GABRB1: variants seen among roughly 807,000 people sequenced by gnomAD.
The protein encoded by GABRB1 is gamma-aminobutyric acid type A receptor subunit beta1.
In GABRB1, 17 loss-of-function variants were observed where a neutral mutation model predicts 51.6. The observed-to-expected ratio is 0.33, with a 90% CI of 0.23 to 0.49. The LOEUF (loss-of-function observed/expected upper bound fraction) is 0.49, where lower values mean the gene tolerates loss of function less well. Among genes scored for constraint, GABRB1 ranks in the 20% least tolerant of loss-of-function variants. The pLI, the probability that GABRB1 is intolerant of heterozygous loss-of-function variation, is 0.99. For missense variants in GABRB1, 410 were observed against 600.6 expected, an observed-to-expected ratio of 0.68 and a Z score of 3.32; for synonymous variants, 247 against 218.9, an observed-to-expected ratio of 1.13 and a Z score of -1.14.
At chr4:47,297,932 CAATAT>C (rs1246098118) in intron 4 of GABRB1, among the ~76,000 whole-genome samples, 5 of 152,130 alleles carry the variant, frequency 3.3e-5, no homozygotes, top group South Asian at 2.1e-4. Flanking sequence ...AAGGCTGGTT[CAATAT>C]ACGCAAATCA....
At chr4:47,091,462 A>G (rs1428374937) in intron 3 of GABRB1, among the ~76,000 whole-genome samples, 5 of 152,174 alleles carry the variant, frequency 3.3e-5, no homozygotes. Flanking sequence ...AAAGCAGCCC[A>G]TTTAAAAACG....
chr4:47,411,312 A>G (rs1728753686), intron 8 of GABRB1, among the ~76,000 whole-genome samples: 1 of 152,230 alleles, frequency 6.6e-6, no homozygotes, highest in South Asian at 2.1e-4. Flanking sequence ...GTACTATTCC[A>G]GTAAAAAAGA....
At chr4:47,049,114 C>G (rs1318006122) in intron 3 of GABRB1, among the ~76,000 whole-genome samples, 1 of 151,198 alleles carries the variant, frequency 6.6e-6, no homozygotes, top group African/African-American at 2.4e-5. Flanking sequence ...CGGTGCAAAT[C>G]CAAGTTTTCG....
chr4:47,140,063 G>T (rs1320860265), intron 3 of GABRB1, among the ~76,000 whole-genome samples: 1 of 147,892 alleles, frequency 6.8e-6, no homozygotes, highest in Non-Finnish European at 1.5e-5. Flanking sequence ...GAAGACAGCA[G>T]GTTAATATTC....
chr4:47,411,380 G>GA (rs200575498), intron 8 of GABRB1, among the ~76,000 whole-genome samples: 155 of 151,446 alleles, frequency 1.0e-3, no homozygotes, highest in Middle Eastern at 3.4e-3. Context: ...TAGGTTGAGT[G>GA]AAAAAAAACA....
At chr4:47,150,143 A>G (rs1717360277) in intron 3 of GABRB1, among the ~76,000 whole-genome samples, 1 of 151,546 alleles carries the variant, frequency 6.6e-6, no homozygotes, top group South Asian at 2.1e-4. Flanking sequence ...AAAAAATGTA[A>G]TTTAGTACCA....
intron 5 of GABRB1, among the ~76,000 whole-genome samples, chr4:47,361,977 A>G (rs1457029812): frequency 3.9e-5 from 6 of 152,162 alleles, no homozygotes; most frequent in Non-Finnish European, 8.8e-5. Context: ...AGCCAATGAC[A>G]TGGATAATTT....
rs531142837 is a variant in GABRB1, at chr4:47,247,474, T to A, written c.462-72653T>A. On this transcript the variant is annotated intron_variant, in intron 4 of 8. Coordinates refer to ENST00000295454, the MANE Select transcript of GABRB1 (RefSeq NM_000812.4). ...AGTGTGATGCCTCCAGATTTGTTAT[T>A]TTTGCTTAGTCTTGCTTTGGCTATG... Among the ~76,000 whole-genome samples, 27 of 152,286 alleles carry A rather than the reference T, an allele frequency of 1.8e-4. No homozygotes were observed. In the East Asian group the frequency reaches 5.2e-3, roughly 29 times the overall value.
At chr4:47,073,128 G>C (rs1727408204) in intron 3 of GABRB1, among the ~76,000 whole-genome samples, 1 of 152,244 alleles carries the variant, frequency 6.6e-6, no homozygotes, top group Non-Finnish European at 1.5e-5. Context: ...GTTTTCCACT[G>C]TCTAGGGTGC....
intron 4 of GABRB1, among the ~76,000 whole-genome samples, chr4:47,300,339 T>G (rs1003745564): frequency 3.9e-5 from 6 of 152,116 alleles, no homozygotes; most frequent in Admixed American, 2.6e-4. Context: ...AAGTTCAATA[T>G]CAGTCCTAGG....
chr4:47,005,416 TCAAA>T (rs569415815), intron 1 of GABRB1, among the ~76,000 whole-genome samples: 11 of 151,990 alleles, frequency 7.2e-5, no homozygotes, highest in East Asian at 1.9e-4. Flanking sequence ...GGACTCCGTC[TCAAA>T]CAAACAAACA....
At chr4:47,006,370 A>G (rs917981932) in intron 1 of GABRB1, among the ~76,000 whole-genome samples, 11 of 152,272 alleles carry the variant, frequency 7.2e-5, no homozygotes, top group African/African-American at 2.6e-4. Flanking sequence ...ATATTCCCAC[A>G]GAATTTGCAG....
At chr4:47,242,028 C>T (rs1195742217) in intron 4 of GABRB1, among the ~76,000 whole-genome samples, 1 of 151,944 alleles carries the variant, frequency 6.6e-6, no homozygotes, top group Non-Finnish European at 1.5e-5. Context: ...TGATGCTATC[C>T]CTTCCCCCTC....
upstream of GABRB1, among the ~76,000 whole-genome samples, chr4:47,031,123 C>G (rs768601628): frequency 1.3e-5 from 2 of 152,084 alleles, no homozygotes; most frequent in Non-Finnish European, 2.9e-5. Flanking sequence ...CCCTCTCTCT[C>G]CACTCTTCCC....
At chr4:47,092,242 G>C (rs1371553950) in intron 3 of GABRB1, among the ~76,000 whole-genome samples, 1 of 131,530 alleles carries the variant, frequency 7.6e-6, no homozygotes, top group Non-Finnish European at 1.5e-5. Context: ...GCATGATCTC[G>C]GCTCACTGCA....
upstream of GABRB1, among the ~76,000 whole-genome samples, chr4:47,029,772 T>C (rs1725227661): frequency 6.6e-6 from 1 of 152,120 alleles, no homozygotes; most frequent in Admixed American, 6.5e-5. Flanking sequence ...ATAAATTGTC[T>C]TGCAACATTT....
chr4:47,021,637 A>G (rs1401089396), intron 1 of GABRB1, among the ~76,000 whole-genome samples: 1 of 152,106 alleles, frequency 6.6e-6, no homozygotes, highest in African/African-American at 2.4e-5. Flanking sequence ...TGGGAGAATT[A>G]TCTGTTCATC....
chr4:47,280,636 C>T (rs900143001), intron 4 of GABRB1, among the ~76,000 whole-genome samples: 4 of 151,438 alleles, frequency 2.6e-5, no homozygotes, highest in African/African-American at 9.7e-5. Context: ...TCCCCCAACA[C>T]TATTTTATTT....
chr4:47,051,122 A>T (rs1342086311), intron 3 of GABRB1, among the ~76,000 whole-genome samples: 1 of 151,778 alleles, frequency 6.6e-6, no homozygotes, highest in Non-Finnish European at 1.5e-5. Context: ...TCTTTGGGCT[A>T]CTCCTTCTAA....
Sources: gnomAD v4.1 joint callset for allele counts (sites outside exome capture counted in the v4.1 genomes callset) on GRCh38, gnomAD v4.1.1 for gene constraint, MANE v1.5 for transcripts, NCBI Gene and HGNC (gene_info 2026-07-23, HGNC 2026-07-21) for gene names.